The following PDE8B variants were observed in gnomAD, a reference collection of about 807,000 sequenced individuals.
The protein encoded by PDE8B is phosphodiesterase 8B.
Under a neutral mutation model 101.3 loss-of-function variants are expected in PDE8B, and 26 were observed. That is an observed-to-expected ratio of 0.26 (90% CI 0.19 to 0.36). The LOEUF is 0.36. Ranked by LOEUF, PDE8B falls within the 10% of genes least tolerant of loss-of-function variation. The pLI is 1.00. For synonymous variants in PDE8B, 424 were observed against 429.3 expected, an observed-to-expected ratio of 0.99 and a Z score of 0.15; for missense variants, 810 against 1,163.1, an observed-to-expected ratio of 0.70 and a Z score of 4.42.
chr5:77,327,030 AGCGGTCTAT>A (rs1179822645), intron 3 of PDE8B, among the ~76,000 whole-genome samples: 2 of 152,224 alleles, frequency 1.3e-5, no homozygotes, highest in Non-Finnish European at 2.9e-5. Flanking sequence ...GAAAACCAAT[AGCGGTCTAT>A]GCAGTTTAGA....
the PDE8B span, among the ~76,000 whole-genome samples, chr5:77,138,867 C>T: frequency 6.6e-6 from 1 of 152,114 alleles, no homozygotes; most frequent in Non-Finnish European, 1.5e-5. Context: ...GACTATAGTC[C>T]TAACAGCACA....
At chr5:77,218,974 G>T (rs1470727673) in intron 1 of PDE8B, among the ~76,000 whole-genome samples, 1 of 152,186 alleles carries the variant, frequency 6.6e-6, no homozygotes, top group Non-Finnish European at 1.5e-5. Context: ...CCAAAGCCTT[G>T]CAAACTGCTG....
the PDE8B span, among the ~76,000 whole-genome samples, chr5:77,162,839 A>G: frequency 2.6e-5 from 4 of 152,210 alleles, no homozygotes; most frequent in Admixed American, 6.5e-5. Flanking sequence ...TAATTTGTAA[A>G]TTGCCTTTCT....
At chr5:77,370,768 G>A (rs565207041) in intron 10 of PDE8B, among the ~76,000 whole-genome samples, 7 of 152,262 alleles carry the variant, frequency 4.6e-5, no homozygotes, top group African/African-American at 7.2e-5. Flanking sequence ...ATTTGACATC[G>A]CCAAGAACAA....
the PDE8B span, among the ~76,000 whole-genome samples, chr5:77,164,347 G>A: frequency 1.3e-4 from 20 of 152,250 alleles, no homozygotes; most frequent in Non-Finnish European, 2.4e-4. Context: ...TCTAAAAATT[G>A]TATGCGATAA....
chr5:77,395,263 C>T (rs1177010845), intron 10 of PDE8B, among the ~76,000 whole-genome samples: 2 of 150,654 alleles, frequency 1.3e-5, no homozygotes, highest in Non-Finnish European at 3.0e-5. Flanking sequence ...ACTACAGGCA[C>T]CCGCCACCAC....
intron 1 of PDE8B, among the ~76,000 whole-genome samples, chr5:77,278,808 CT>C (rs372099361): frequency 6.6e-6 from 1 of 152,118 alleles, no homozygotes; most frequent in African/African-American, 2.4e-5. Context: ...CATATTAATG[CT>C]AACACTGAAA....
the PDE8B span, among the ~76,000 whole-genome samples, chr5:77,111,666 A>G: frequency 2.0e-5 from 3 of 152,230 alleles, no homozygotes; most frequent in African/African-American, 7.2e-5. Context: ...CATGTGAGGT[A>G]GAATTTTTCT....
chr5:77,262,457 A>G (rs776091728), intron 1 of PDE8B, among the ~76,000 whole-genome samples: 3 of 152,238 alleles, frequency 2.0e-5, no homozygotes, highest in Non-Finnish European at 4.4e-5. Context: ...AATATTGAAG[A>G]ACTAATTTGC....
the PDE8B span, chr5:77,141,312 A>G: frequency 1.3e-5 from 2 of 152,222 alleles, no homozygotes; most frequent in Non-Finnish European, 2.9e-5. Flanking sequence ...TGTATCAAAC[A>G]TAGTAACCTA....
intron 1 of PDE8B, among the ~76,000 whole-genome samples, chr5:77,268,571 A>T: frequency 6.6e-6 from 1 of 151,246 alleles, no homozygotes; most frequent in African/African-American, 2.4e-5. Context: ...AATTCAATTG[A>T]TTTAATTTTT....
intron 1 of PDE8B, among the ~76,000 whole-genome samples, chr5:77,258,954 C>G (rs1395165474): frequency 6.6e-6 from 1 of 151,500 alleles, no homozygotes; most frequent in African/African-American, 2.4e-5. Flanking sequence ...TGAGGGTCTT[C>G]TAACTCTCTC....
chr5:77,142,981 A>G, the PDE8B span, among the ~76,000 whole-genome samples: 1 of 152,154 alleles, frequency 6.6e-6, no homozygotes, highest in Non-Finnish European at 1.5e-5. Context: ...GCTAAGATGT[A>G]TTGAGGCATG....
chr5:77,105,856 A>T, the PDE8B span: 119 of 152,258 alleles, frequency 7.8e-4, no homozygotes, highest in Middle Eastern at 3.4e-3. Flanking sequence ...TGGGTGTGAA[A>T]TGGTATCTTG....
At chr5:77,238,251 T>C (rs1425168443) in intron 1 of PDE8B, among the ~76,000 whole-genome samples, 2 of 152,214 alleles carry the variant, frequency 1.3e-5, no homozygotes, top group Non-Finnish European at 2.9e-5. Context: ...CCTAAGACTC[T>C]GTTTTTTTAG....
upstream of PDE8B, among the ~76,000 whole-genome samples, chr5:77,205,573 GA>G (rs900653806): frequency 7.0e-3 from 1,049 of 149,822 alleles, 14 homozygotes; most frequent in African/African-American, 0.024. Flanking sequence ...CTGTCCAAAG[GA>G]AAAAAAAATC....
At chr5:77,236,842 C>T (rs1258106582) in intron 1 of PDE8B, among the ~76,000 whole-genome samples, 1 of 152,134 alleles carries the variant, frequency 6.6e-6, no homozygotes, top group Non-Finnish European at 1.5e-5. Flanking sequence ...TATATTCATG[C>T]TTATTTTCTG....
At chr5:77,193,718 TTTGA>T in the PDE8B span, among the ~76,000 whole-genome samples, 1 of 152,184 alleles carries the variant, frequency 6.6e-6, no homozygotes, top group East Asian at 1.9e-4. Context: ...CCTGTTGGGT[TTTGA>T]TTGAGATTGT....
chr5:77,112,764 A>G, the PDE8B span: 3 of 152,216 alleles, frequency 2.0e-5, no homozygotes, highest in Non-Finnish European at 4.4e-5. Flanking sequence ...ATATTTAGAA[A>G]GCCCCATCAT....
Sources: allele counts gnomAD v4.1 joint callset (sites outside exome capture counted in the v4.1 genomes callset), GRCh38; gene constraint gnomAD v4.1.1; transcripts MANE v1.5; gene names NCBI Gene and HGNC (gene_info 2026-07-23, HGNC 2026-07-21).